Variants in PCBP2 observed in about 807,000 individuals in gnomAD.
PCBP2 encodes poly(rC) binding protein 2.
A neutral mutation model predicts 50.1 loss-of-function variants in PCBP2; 4 were observed. The ratio of observed to expected loss-of-function variants is 0.08; its 90% confidence interval spans 0.04 to 0.18. The LOEUF is 0.18. PCBP2 is among the 10% of genes least tolerant of loss of function. The pLI, the probability that PCBP2 is intolerant of heterozygous loss-of-function variation, is 1.00. For missense variants in PCBP2, 161 were observed against 474.3 expected, an observed-to-expected ratio of 0.34 and a Z score of 6.14; for synonymous variants, 179 against 168.0, an observed-to-expected ratio of 1.07 and a Z score of -0.51.
At chr12:53,478,975 C>T (rs925565628) in intron 14 of PCBP2, among the ~76,000 whole-genome samples, 6 of 151,936 alleles carry the variant, frequency 3.9e-5, no homozygotes, top group Admixed American at 6.6e-5. Flanking sequence ...AGCATTAAAC[C>T]CTTGAGACTA....
rs763889330 is a variant in PCBP2, at chr12:53,455,841, ATCT to A, written c.127-39_127-37del. On this transcript the variant is annotated intron_variant, in intron 4 of 14. Coordinates refer to ENST00000546463, the MANE Select transcript of PCBP2 (RefSeq NM_031989.5). ...GACTGTAGATCCTGTACATACTCAG[ATCT>A]TCTTTGTTTTAACTTCTTTTGGATC... 60 of 1,306,694 alleles carry A rather than the reference ATCT, an allele frequency of 4.6e-5. No homozygotes were observed. In the Admixed American group the frequency reaches 5.1e-4, roughly 11 times the overall value. 80.9% of individuals were successfully genotyped at this position (1,306,694 alleles called of 1,614,324 possible). A position where few individuals can be genotyped will look rare whatever the true frequency, so the allele number is the denominator to read the frequency against.
chr12:53,477,665 CAAAAAAAAAA>C (rs61213286), intron 14 of PCBP2, among the ~76,000 whole-genome samples: 35 of 52,878 alleles, frequency 6.6e-4, no homozygotes, highest in East Asian at 2.9e-3. Context: ...GACTCTGTCT[CAAAAAAAAAA>C]AAAAAAAAAA....
chr12:53,452,876 A>G (rs553520995), intron 1 of PCBP2: 2 of 151,900 alleles, frequency 1.3e-5, no homozygotes, highest in East Asian at 1.9e-4. Flanking sequence ...TTTTTTCTTA[A>G]GTGGAAAATG....
chr12:53,459,169 A>G (rs557650209), intron 5 of PCBP2, 103 bp from the exon 6 acceptor site: 21 of 950,134 alleles, frequency 2.2e-5, no homozygotes, highest in East Asian at 2.8e-5. Flanking sequence ...ATGACCTCGC[A>G]TGTCCTAATA....
chr12:53,461,645 G>C (rs941301672), intron 7 of PCBP2, among the ~76,000 whole-genome samples: 1 of 152,122 alleles, frequency 6.6e-6, no homozygotes, highest in African/African-American at 2.4e-5. Context: ...GCAAAATTCA[G>C]GAAAATTAAG....
chr12:53,454,609 A>G (rs967217461), intron 1 of PCBP2, 117 bp from the exon 2 acceptor site: 5 of 600,688 alleles, frequency 8.3e-6, no homozygotes, highest in Non-Finnish European at 1.2e-5. Context: ...TATAAGTCTG[A>G]CATACTGTCA....
At chr12:53,479,292 C>G (rs1156482991) in intron 14 of PCBP2, 114 bp from the exon 15 acceptor site, 39 of 874,954 alleles carry the variant, frequency 4.5e-5, no homozygotes, top group Non-Finnish European at 7.3e-5. Flanking sequence ...CTTAAAATGT[C>G]TCCCTTGGTA....
intron 6 of PCBP2, 115 bp from the exon 7 acceptor site, chr12:53,460,900 A>G: frequency 2.6e-6 from 3 of 1,137,512 alleles, no homozygotes; most frequent in East Asian, 2.4e-5. Flanking sequence ...ACAAAAAGGG[A>G]AGATTGGAAA....
At chr12:53,456,723 A>G (rs1179436376) in intron 5 of PCBP2, among the ~76,000 whole-genome samples, 2 of 152,220 alleles carry the variant, frequency 1.3e-5, no homozygotes, top group Non-Finnish European at 2.9e-5. Flanking sequence ...ATCAGAAGGA[A>G]AATACACCGG....
At chr12:53,466,353 G>T (rs1431252586) in intron 10 of PCBP2, among the ~76,000 whole-genome samples, 3 of 152,134 alleles carry the variant, frequency 2.0e-5, no homozygotes, top group Non-Finnish European at 4.4e-5. Context: ...TGGGAGGTTG[G>T]GTTTGCCCTT....
In PCBP2 at chr12:53,479,972, TG is replaced by T. The variant is rs1942950056; in HGVS notation, c.*531del. The T allele has an allele frequency of 6.6e-6, 1 of 152,244 alleles. No individual in the cohort carries two copies. Among genetic ancestry groups the T allele is most frequent in the African/African-American group, 2.4e-5 (1 of 41,426 alleles). The allele number at this position is 152,244 out of a possible 1,614,324, so 9.4% of individuals were successfully genotyped here. ...CTATTTTACCACTTCCATCTTTTTT[TG>T]TGGCCCTCGATCCTATTTTTCCCTG... On this transcript the variant is annotated 3_prime_UTR_variant, in exon 15 of 15. Coordinates refer to ENST00000546463, the MANE Select transcript of PCBP2 (RefSeq NM_031989.5).
At chr12:53,473,800 A>C (rs1942393298) in intron 14 of PCBP2, among the ~76,000 whole-genome samples, 1 of 151,656 alleles carries the variant, frequency 6.6e-6, no homozygotes, top group African/African-American at 2.4e-5. Context: ...TTTTAAGTCA[A>C]GAAGGATTTT....
chr12:53,455,993 C>A lies in PCBP2; in HGVS notation c.235C>A (p.Leu79Met). 6.3e-7 allele frequency: 1 copy of A among 1,597,072 alleles called. No homozygotes were observed. The highest frequency in any genetic ancestry group is 8.6e-7 in the Non-Finnish European group (1 of 1,164,626). ...AGCCTTTGCTATGATCATTGACAAACTGGAAGAGGTTTGTTGTCTCCCACT... is the reference window on the plus strand; with the variant it reads ...AGCCTTTGCTATGATCATTGACAAAATGGAAGAGGTTTGTTGTCTCCCACT... ...FKAFAMIIDK[L>M]EEDISSSMTN... is the part of the protein sequence containing the mutation. The change falls in exon 5 of 15, where the codon CTG becomes ATG. Residue 79 changes from leucine to methionine, a missense_variant. Around this residue, in one of 7 missense-constraint regions of PCBP2, gnomAD observed 24 missense variants for 37.1 expected, o/e 0.65. Transcript: ENST00000546463.
chr12:53,472,582 G>C (rs1257427011), intron 14 of PCBP2, among the ~76,000 whole-genome samples: 11 of 152,140 alleles, frequency 7.2e-5, no homozygotes, highest in Admixed American at 6.5e-5. Context: ...TGTTAGCCTT[G>C]AGGCCCTTAG....
At chr12:53,473,750 C>T (rs572100243) in intron 14 of PCBP2, among the ~76,000 whole-genome samples, 194 of 151,560 alleles carry the variant, frequency 1.3e-3, no homozygotes, top group Non-Finnish European at 2.1e-3. Flanking sequence ...AGTTTAAATG[C>T]AGAAGTCAAA....
chr12:53,464,456 C>T (rs1941681971), intron 8 of PCBP2: 1 of 324,960 alleles, frequency 3.1e-6, no homozygotes, highest in Non-Finnish European at 5.6e-6. Context: ...GTCTTTTGTT[C>T]CTTTGTGGCA....
intron 12 of PCBP2, chr12:53,468,499 C>A (rs1941973995): frequency 2.1e-6 from 1 of 474,150 alleles, no homozygotes; most frequent in Non-Finnish European, 3.8e-6. Context: ...ATACCACACT[C>A]CCTTGCCCTT....
At chr12:53,464,683 T>C in intron 8 of PCBP2, 77 bp from the exon 9 acceptor site, 2 of 1,555,004 alleles carry the variant, frequency 1.3e-6, no homozygotes, top group Non-Finnish European at 1.7e-6. Flanking sequence ...AAACAACTTT[T>C]TTTGTGTGAA....
chr12:53,455,319 T>TA (rs1297315313), intron 2 of PCBP2, 28 bp from the exon 3 acceptor site: 2 of 1,606,968 alleles, frequency 1.2e-6, no homozygotes. Flanking sequence ...GAGTTTCCTC[T>TA]TACTGACGTT....
Sources: gnomAD v4.1 joint callset for allele counts (sites outside exome capture counted in the v4.1 genomes callset) on GRCh38, gnomAD v4.1.1 for gene constraint, gnomAD v4.1.1 regional missense constraint, MANE v1.5 for transcripts, NCBI Gene and HGNC (gene_info 2026-07-23, HGNC 2026-07-21) for gene names.